Variants in QRSL1 observed in about 807,000 individuals in gnomAD.
QRSL1 encodes the protein glutamyl-tRNA(Gln) amidotransferase subunit A, mitochondrial.
A neutral mutation model predicts 61.6 loss-of-function variants in QRSL1; 54 were observed. That is an observed-to-expected ratio of 0.88 (90% CI 0.70 to 1.10). QRSL1 has a LOEUF of 1.10. Ranked by LOEUF, QRSL1 falls within the 50% of genes least tolerant of loss-of-function variation. The pLI is 0.00. For missense variants in QRSL1, 505 were observed against 622.6 expected (o/e 0.81, Z 2.01); for synonymous variants, 228 against 225.7 (o/e 1.01, Z -0.09).
At chr6:106,636,939 G>T (rs1057231058) in intron 1 of QRSL1, among the ~76,000 whole-genome samples, 2 of 139,294 alleles carry the variant, frequency 1.4e-5, no homozygotes, top group African/African-American at 5.3e-5. Flanking sequence ...AAACTTTGTG[G>T]CTTAAAATAA....
At chr6:106,645,960 C>T (rs1240641347) in intron 4 of QRSL1, among the ~76,000 whole-genome samples, 1 of 152,016 alleles carries the variant, frequency 6.6e-6, no homozygotes, top group African/African-American at 2.4e-5. Flanking sequence ...CCAGTGAGGG[C>T]CTTAGGTGCA....
In QRSL1 at chr6:106,666,092, T is replaced by A. The variant is rs9400045; in HGVS notation, c.*90T>A. 0.094 allele frequency: 93,913 copies of A among 1,000,216 alleles called. 4,761 individuals carry two copies. The highest frequency in any genetic ancestry group is 0.11 in the Admixed American group (5,660 of 50,252). 62.0% of individuals were successfully genotyped at this position (1,000,216 alleles called of 1,614,324 possible). On this transcript the variant is annotated 3_prime_UTR_variant, in exon 11 of 11. Coordinates refer to ENST00000369046, the MANE Select transcript of QRSL1 (RefSeq NM_018292.5). ...ACTTTGGGAGGCCAAGGCGAGCGGA[T>A]CATGAGGTCAGAAGATCTAGAACAG...
At chr6:106,642,723 T>C (rs1451041323) in intron 3 of QRSL1, 15 of 748,456 alleles carry the variant, frequency 2.0e-5, no homozygotes, top group Non-Finnish European at 3.2e-5. Context: ...AATGTGCATA[T>C]TGAGCACAGT....
intron 9 of QRSL1, among the ~76,000 whole-genome samples, chr6:106,658,797 TA>T (rs1777310726): frequency 6.6e-6 from 1 of 152,190 alleles, no homozygotes; most frequent in Non-Finnish European, 1.5e-5. Context: ...AGGGGTTTGT[TA>T]AGCAGCTTTG....
intron 4 of QRSL1, among the ~76,000 whole-genome samples, chr6:106,643,960 C>T (rs1216962681): frequency 6.6e-6 from 1 of 151,778 alleles, no homozygotes; most frequent in Non-Finnish European, 1.5e-5. Context: ...CAGCCTCCGC[C>T]TCCCAGCTTC....
chr6:106,665,630 A>G (rs544215989), intron 10 of QRSL1, 152 bp from the exon 11 acceptor site: 1 of 683,612 alleles, frequency 1.5e-6, no homozygotes, highest in African/African-American at 1.8e-5. Flanking sequence ...TAAGTAAACA[A>G]AACATAGTAC....
At chr6:106,643,229 A>G (rs911751455) in intron 4 of QRSL1, 139 bp downstream of exon 4, 2 of 612,120 alleles carry the variant, frequency 3.3e-6, no homozygotes, top group African/African-American at 3.7e-5. Flanking sequence ...TGTTTAATAG[A>G]TATATAGTCA....
At chr6:106,664,200 TG>T (rs1777399970) in intron 10 of QRSL1, among the ~76,000 whole-genome samples, 2 of 152,232 alleles carry the variant, frequency 1.3e-5, no homozygotes, top group Non-Finnish European at 2.9e-5. Context: ...TATATTACAT[TG>T]GTTTATGGTA....
rs1314531913 is a variant in QRSL1 at position 106,667,477 on chromosome 6, C to T, written c.*1475C>T. 1 of 152,118 alleles carries T rather than the reference C, an allele frequency of 6.6e-6. No individual in the cohort carries two copies. Among genetic ancestry groups the T allele is most frequent in the Non-Finnish European group, 1.5e-5 (1 of 68,026 alleles). The allele number at this position is 152,118 out of a possible 1,614,324, so 9.4% of individuals were successfully genotyped here. ...ATTGATCAGGTATTTTAATCTAGCA[C>T]TTACATATTGTTGATAAATGAAAGC... On this transcript the variant is annotated 3_prime_UTR_variant, in exon 11 of 11. Coordinates refer to ENST00000369046, the MANE Select transcript of QRSL1 (RefSeq NM_018292.5).
In QRSL1 at chr6:106,629,601, C is replaced by A; in HGVS notation, c.-81C>A. The A allele has an allele frequency of 6.6e-7, 1 of 1,519,004 alleles. No individual in the cohort carries two copies. Among genetic ancestry groups the A allele is most frequent in the Non-Finnish European group, 8.9e-7 (1 of 1,121,762 alleles). 94.1% of individuals were successfully genotyped at this position (1,519,004 alleles called of 1,614,324 possible). On this transcript the variant is annotated 5_prime_UTR_variant, in exon 1 of 11. Transcript: ENST00000369046. ...TCAGTGACAATTAAAGATGGCTGCG[C>A]CCATGTAACATCACTAGCGACCGGT...
chr6:106,664,536 A>G (rs537804115), intron 10 of QRSL1, among the ~76,000 whole-genome samples: 2 of 152,218 alleles, frequency 1.3e-5, no homozygotes, highest in South Asian at 2.1e-4. Flanking sequence ...TTTTTGCTGG[A>G]TGTAGAACTC....
chr6:106,647,650 T>TC (rs1777131067), intron 4 of QRSL1, among the ~76,000 whole-genome samples: 1 of 2,210 alleles, frequency 4.5e-4, no homozygotes, highest in African/African-American at 2.0e-3. Flanking sequence ...CATAAAGTAC[T>TC]TTTTTTTTTT....
At chr6:106,648,150 G>C (rs1010329874) in intron 4 of QRSL1, among the ~76,000 whole-genome samples, 4 of 151,816 alleles carry the variant, frequency 2.6e-5, no homozygotes, top group Non-Finnish European at 4.4e-5. Flanking sequence ...ACAAAAATTA[G>C]CCCGGCGTGA....
In QRSL1 at chr6:106,640,879, A is replaced by G; in HGVS notation, c.241A>G (p.Thr81Ala). 6.2e-7 allele frequency: 1 copy of G among 1,613,872 alleles called. No homozygotes were observed. The highest frequency in any genetic ancestry group is 8.5e-7 in the Non-Finnish European group (1 of 1,179,882). Residue 81 changes from threonine to alanine, a missense_variant, in exon 3 of 11, where the codon ACT (threonine) becomes GCT (alanine). Transcript: ENST00000369046. ...TATTGCAGTAAAAGACAATTTCAGC[A>G]CTTCTGGCATTGAGACAACATGTGC... The part of the protein sequence containing the change: ...IPIAVKDNFS[T>A]SGIETTCASN...
At chr6:106,649,602 AT>A (rs1777164568) in intron 5 of QRSL1, among the ~76,000 whole-genome samples, 2 of 152,220 alleles carry the variant, frequency 1.3e-5, no homozygotes, top group South Asian at 4.1e-4. Flanking sequence ...ACTGTTGGTA[AT>A]GTTTATCCTT....
intron 8 of QRSL1, 93 bp downstream of exon 8, chr6:106,655,015 A>G (rs1399419773): frequency 8.4e-7 from 1 of 1,184,036 alleles, no homozygotes; most frequent in African/African-American, 1.5e-5. Flanking sequence ...TGCTTGAGAT[A>G]ATGTTAGTGA....
chr6:106,635,745 C>T (rs1190127546), intron 1 of QRSL1, among the ~76,000 whole-genome samples: 1 of 152,026 alleles, frequency 6.6e-6, no homozygotes, highest in African/African-American at 2.4e-5. Context: ...GTGGCACACG[C>T]CTGTAATCCC....
Position 106,652,594 on chromosome 6 carries a change from C to T in QRSL1, c.849+12C>T, listed in dbSNP as rs762546920. ...TAGGAATTCCAAAGGTAACTTTTTC[C>T]TTTCATTACTTTACAGAAATACTGT... On this transcript the variant is annotated intron_variant, in intron 7 of 10. Coordinates refer to ENST00000369046, the MANE Select transcript of QRSL1 (RefSeq NM_018292.5). 2.2e-5 allele frequency: 35 copies of T among 1,613,892 alleles called. No individual in the cohort carries two copies. Among genetic ancestry groups the T allele is most frequent in the Non-Finnish European group, 2.8e-5 (33 of 1,179,986 alleles).
chr6:106,630,159 C>T (rs1776789402), intron 1 of QRSL1, among the ~76,000 whole-genome samples: 1 of 152,162 alleles, frequency 6.6e-6, no homozygotes, highest in African/African-American at 2.4e-5. Flanking sequence ...ATTTACCTAC[C>T]ACTAAGATAC....
Sources: gnomAD v4.1 joint callset for allele counts (sites outside exome capture counted in the v4.1 genomes callset) on GRCh38, gnomAD v4.1.1 for gene constraint, MANE v1.5 for transcripts, NCBI Gene and HGNC (gene_info 2026-07-23, HGNC 2026-07-21) for gene names.